The following HMOX1 variants were observed in gnomAD, a reference collection of about 807,000 sequenced individuals.
HMOX1 encodes the protein heat shock protein, 32-kD.
In HMOX1, 22 loss-of-function variants were observed where a neutral mutation model predicts 27.8. That is an observed-to-expected ratio of 0.79 (90% CI 0.57 to 1.13). The LOEUF (loss-of-function observed/expected upper bound fraction) is 1.13. HMOX1 is among the 50% of genes most tolerant of loss of function. The probability of loss-of-function intolerance (pLI) is 0.00; values close to 1 mark genes in which losing one functional copy is unlikely to be tolerated. For synonymous variants in HMOX1, 153 were observed against 151.6 expected (o/e 1.01, Z -0.07); for missense variants, 379 against 377.7 (o/e 1.00, Z -0.03).
intron 4 of HMOX1, among the ~76,000 whole-genome samples, chr22:35,391,245 G>C (rs1020141086): frequency 7.1e-6 from 1 of 141,698 alleles, no homozygotes; most frequent in Non-Finnish European, 1.6e-5. Context: ...CCCTCAACGG[G>C]GTCTGTGAGG....
intron 1 of HMOX1, among the ~76,000 whole-genome samples, chr22:35,382,668 TTTC>T (rs1185581460): frequency 2.1e-5 from 3 of 142,396 alleles, no homozygotes; most frequent in African/African-American, 8.0e-5. Flanking sequence ...TGGCCCTTTT[TTTC>T]TTTTTTTTTC....
chr22:35,386,749 A>C lies in HMOX1; in HGVS notation c.209A>C (p.Glu70Ala). 1 of 1,614,214 alleles carries C rather than the reference A, an allele frequency of 6.2e-7. No homozygotes were observed. Among genetic ancestry groups the C allele is most frequent in the East Asian group, 2.2e-5 (1 of 44,878 alleles). Residue 70 changes from glutamate to alanine, a missense_variant, in exon 3 of 5, where the codon GAG becomes GCG. Physicochemically the swap from Glu to Ala is moderately radical, Grantham distance 107. Transcript: ENST00000216117. ...ALEEEIERNK[E>A]SPVFAPVYFP... ...GAGGAGGAGATTGAGCGCAACAAGG[A>C]GAGCCCAGTCTTCGCCCCTGTCTAC... is the stretch of plus-strand genomic sequence containing the variant.
rs930923547 is a variant in HMOX1, at chr22:35,393,973, A to G, written c.*375A>G. 1 of 333,590 alleles carries G rather than the reference A, an allele frequency of 3.0e-6. No homozygotes were observed. The highest frequency in any genetic ancestry group is 5.9e-6 in the Non-Finnish European group (1 of 169,642). 20.7% of individuals were successfully genotyped at this position (333,590 alleles called of 1,614,324 possible). A position where few individuals can be genotyped will look rare whatever the true frequency, so the allele number is the denominator to read the frequency against. ...GACCACTTTCCCCGTGGGCCATGGC[A>G]ATTTTTACACAAACCTGAAAAGATG... is the stretch of plus-strand genomic sequence containing the variant. On this transcript the variant is annotated 3_prime_UTR_variant, in exon 5 of 5. Transcript: ENST00000216117.
intron 2 of HMOX1, among the ~76,000 whole-genome samples, chr22:35,384,067 C>T (rs1440728962): frequency 8.6e-5 from 13 of 151,996 alleles, no homozygotes; most frequent in Non-Finnish European, 5.9e-5. Flanking sequence ...CTACTTCCAA[C>T]ATGAGACATG....
intron 3 of HMOX1, among the ~76,000 whole-genome samples, chr22:35,388,583 C>T (rs1040023076): frequency 4.0e-5 from 6 of 151,750 alleles, no homozygotes; most frequent in East Asian, 1.9e-4. Context: ...GTCAGGAGAT[C>T]GAGACCATCC....
intron 4 of HMOX1, among the ~76,000 whole-genome samples, chr22:35,390,543 G>A (rs563723029): frequency 1.6e-4 from 24 of 152,174 alleles, no homozygotes; most frequent in Non-Finnish European, 2.6e-4. Flanking sequence ...GCGTGTTTTT[G>A]TATGAGAAGT....
intron 4 of HMOX1, among the ~76,000 whole-genome samples, chr22:35,392,315 C>T (rs886149319): frequency 6.6e-6 from 1 of 151,762 alleles, no homozygotes; most frequent in Admixed American, 6.6e-5. Context: ...CTCACACAAA[C>T]AAAAGCTCTT....
chr22:35,386,836 C>T lies in HMOX1; in HGVS notation c.296C>T (p.Pro99Leu), dbSNP rs1931520803. The stretch of plus-strand genomic sequence containing the variant: ...CAGGACCTGGCCTTCTGGTACGGGC[C>T]CCGCTGGCAGGAGGTCATCCCCTAC... Reference protein sequence around the residue: ...LEQDLAFWYGPRWQEVIPYTP... With the variant: ...LEQDLAFWYGLRWQEVIPYTP... Residue 99 changes from proline to leucine, a missense_variant, in exon 3 of 5, where the codon CCC becomes CTC. Physicochemically the swap from Pro to Leu is moderately conservative, Grantham distance 98. Transcript: ENST00000216117. 1.9e-6 allele frequency: 3 copies of T among 1,614,220 alleles called. No individual in the cohort carries two copies. Among genetic ancestry groups the T allele is most frequent in the Non-Finnish European group, 2.5e-6 (3 of 1,180,032 alleles).
rs781103373 is a variant in HMOX1, at chr22:35,389,947, C to T, written c.720C>T (p.Ala240=). The T allele has an allele frequency of 1.9e-6, 3 of 1,611,042 alleles. No individual in the cohort carries two copies. In the African/African-American group the frequency reaches 4.0e-5, roughly 22 times the overall value. The change falls in exon 4 of 5, where the codon GCC becomes GCT. Residue 240 remains alanine (A), a synonymous_variant. Coordinates refer to ENST00000216117, the MANE Select transcript of HMOX1 (RefSeq NM_002133.3). ...GGGCACCAGGGCTTCGCCAGCGGGC[C>T]AGCAACAAAGTGCAAGGTGAGAGCA... ...PSRAPGLRQR[A]SNKVQDSAPV...
intron 3 of HMOX1, among the ~76,000 whole-genome samples, chr22:35,388,816 A>AC (rs1569056860): frequency 2.0e-5 from 3 of 151,854 alleles, no homozygotes; most frequent in Non-Finnish European, 2.9e-5. Context: ...AAACAAACAA[A>AC]AAAAAACGGC....
chr22:35,389,340 TCTCCTTC>T (rs1569057411), intron 3 of HMOX1, among the ~76,000 whole-genome samples: 2 of 99,226 alleles, frequency 2.0e-5, no homozygotes, highest in Admixed American at 9.1e-5. Flanking sequence ...CTTTCTTTCT[TCTCCTTC>T]CTTCCTTCCT....
chr22:35,388,340 T>C (rs1246408695), intron 3 of HMOX1, among the ~76,000 whole-genome samples: 1 of 151,638 alleles, frequency 6.6e-6, no homozygotes, highest in East Asian at 1.9e-4. Context: ...TAGTCCCAGC[T>C]ACTTGGGAGG....
At chr22:35,392,646 C>A (rs1931749740) in intron 4 of HMOX1, among the ~76,000 whole-genome samples, 1 of 151,996 alleles carries the variant, frequency 6.6e-6, no homozygotes, top group South Asian at 2.1e-4. Flanking sequence ...AGCACCCACT[C>A]TGTGCCTGAG....
In HMOX1 at chr22:35,389,848, G is replaced by T. The variant is rs778157493; in HGVS notation, c.637-16G>T. 2 of 1,576,006 alleles carry T rather than the reference G, an allele frequency of 1.3e-6. No homozygotes were observed. The highest frequency in any genetic ancestry group is 8.7e-7 in the Non-Finnish European group (1 of 1,154,590). Reference sequence around the variant, plus strand: ...ATCTCTCACTGAGATAGGCATGTGTGTCTTTTGTCTTTTAGCTCTTTGAGG... The same window carrying T: ...ATCTCTCACTGAGATAGGCATGTGTTTCTTTTGTCTTTTAGCTCTTTGAGG... On this transcript the variant is annotated splice_polypyrimidine_tract_variant and intron_variant, in intron 3 of 4. Transcript: ENST00000216117.
chr22:35,388,720 C>T (rs1372612126), intron 3 of HMOX1, among the ~76,000 whole-genome samples: 1 of 151,768 alleles, frequency 6.6e-6, no homozygotes, highest in Non-Finnish European at 1.5e-5. Flanking sequence ...TGGCGTGAAC[C>T]CGGGAGGCGG....
At chr22:35,391,717 C>T (rs1039735252) in intron 4 of HMOX1, among the ~76,000 whole-genome samples, 4 of 150,808 alleles carry the variant, frequency 2.7e-5, no homozygotes, top group African/African-American at 9.8e-5. Context: ...CCTCAGCCTC[C>T]TGAGTAACTG....
intron 1 of HMOX1, among the ~76,000 whole-genome samples, chr22:35,382,643 G>A (rs750463868): frequency 5.3e-5 from 8 of 149,766 alleles, no homozygotes; most frequent in Non-Finnish European, 1.0e-4. Flanking sequence ...GATTACAGGC[G>A]TGAGCCACCA....
rs748685977 is a variant in HMOX1, at chr22:35,386,889, C to T, written c.349C>T (p.Arg117Trp). 5.6e-6 allele frequency: 9 copies of T among 1,613,938 alleles called. No homozygotes were observed. In the East Asian group the frequency reaches 8.9e-5, roughly 16 times the overall value. The change falls in exon 3 of 5, where the codon CGG becomes TGG. Residue 117 changes from arginine to tryptophan, a missense_variant. Coordinates refer to ENST00000216117, the MANE Select transcript of HMOX1 (RefSeq NM_002133.3). ...ACCAGCCATGCAGCGCTATGTGAAGCGGCTCCACGAGGTGGGGCGCACAGA... is the reference window on the plus strand; with the variant it reads ...ACCAGCCATGCAGCGCTATGTGAAGTGGCTCCACGAGGTGGGGCGCACAGA... ...YTPAMQRYVK[R>W]LHEVGRTEPE...
rs541211704 is a variant in HMOX1, at chr22:35,387,292, C to G, written c.636+116C>G. 3.3e-6 allele frequency: 4 copies of G among 1,201,838 alleles called. No individual in the cohort carries two copies. In the East Asian group the frequency reaches 9.8e-5, roughly 29 times the overall value. 74.4% of individuals were successfully genotyped at this position (1,201,838 alleles called of 1,614,324 possible). A position where few individuals can be genotyped will look rare whatever the true frequency, so the allele number is the denominator to read the frequency against. On this transcript the variant is annotated intron_variant, in intron 3 of 4. Transcript: ENST00000216117. ...ATGGTTAACACAGGGAACCAGAGTT[C>G]CAGCACTGCCACTTACTAGCTGGGT...
Sources: allele counts gnomAD v4.1 joint callset (sites outside exome capture counted in the v4.1 genomes callset), GRCh38; gene constraint gnomAD v4.1.1; transcripts MANE v1.5; gene names NCBI Gene and HGNC (gene_info 2026-07-23, HGNC 2026-07-21).